The following ZNF782 variants were observed in gnomAD, a reference collection of about 807,000 sequenced individuals.
The protein encoded by ZNF782 is zinc finger protein 782.
A neutral mutation model predicts 13.0 loss-of-function variants in ZNF782; 12 were observed. That is an observed-to-expected ratio of 0.92 (90% confidence interval 0.59 to 1.50). The LOEUF is 1.50. ZNF782 is among the 40% of genes most tolerant of loss of function. The probability of loss-of-function intolerance (pLI) is 0.00; values close to 1 mark genes in which losing one functional copy is unlikely to be tolerated. For missense variants in ZNF782, 770 were observed against 822.9 expected (o/e 0.94, Z 0.79); for synonymous variants, 284 against 283.0 (o/e 1.00, Z -0.04).
At chr9:96,929,154 G>C in the ZNF782 span, 1 of 1,562,966 alleles carries the variant, frequency 6.4e-7, no homozygotes, top group Non-Finnish European at 8.8e-7. Context: ...AGGGAGCACT[G>C]GATGTCCCCA....
At chr9:96,896,917 C>T in the ZNF782 span, among the ~76,000 whole-genome samples, 9 of 152,242 alleles carry the variant, frequency 5.9e-5, no homozygotes, top group Admixed American at 5.9e-4. Flanking sequence ...GATAACTACT[C>T]TCCTTTTCAG....
chr9:96,855,066 G>A (rs1312273334), upstream of ZNF782, among the ~76,000 whole-genome samples: 1 of 152,202 alleles, frequency 6.6e-6, no homozygotes, highest in East Asian at 1.9e-4. Flanking sequence ...GCCCTGTCCT[G>A]GCGCCCCCAG....
At chr9:96,841,175 A>C (rs928991543) in intron 4 of ZNF782, among the ~76,000 whole-genome samples, 2 of 151,978 alleles carry the variant, frequency 1.3e-5, no homozygotes, top group Non-Finnish European at 2.9e-5. Context: ...TCATTGTTAG[A>C]AAAGCAAAAA....
intron 4 of ZNF782, among the ~76,000 whole-genome samples, chr9:96,842,783 A>G (rs527530657): frequency 2.0e-5 from 3 of 152,202 alleles, no homozygotes; most frequent in Middle Eastern, 3.4e-3. Context: ...CTGGTATAAA[A>G]ATGTGCAAAC....
the ZNF782 span, among the ~76,000 whole-genome samples, chr9:96,921,251 C>T: frequency 6.7e-6 from 1 of 149,180 alleles, no homozygotes; most frequent in Admixed American, 6.7e-5. Flanking sequence ...TTTATTCTGG[C>T]CGAGTGTGGT....
rs1177140701 is a variant in ZNF782 at position 96,819,019 on chromosome 9, T to C, written c.1004A>G (p.Asp335Gly). 6.2e-7 allele frequency: 1 copy of C among 1,614,240 alleles called. No homozygotes were observed. The highest frequency in any genetic ancestry group is 1.3e-5 in the African/African-American group (1 of 75,086). The change falls in exon 6 of 6, where the codon GAT becomes GGT. Residue 335 changes from aspartate (D) to glycine (G), a missense_variant. By Grantham distance (94) the Asp-to-Gly change is moderately conservative (BLOSUM62 -1). Coordinates refer to ENST00000481138, the MANE Select transcript of ZNF782 (RefSeq NM_001001662.3). ...ACATGGGTGATAATCAGAGTATTTATCTGTTGCATGAGTTCTCTGATGCAC... is the reference window on the plus strand; with the variant it reads ...ACATGGGTGATAATCAGAGTATTTACCTGTTGCATGAGTTCTCTGATGCAC... ...LPVHQRTHAT[D>G]KYSDYHPCTE...
rs1310026755 is a variant in ZNF782 at position 96,819,060 on chromosome 9, AC to A, written c.962del (p.Arg321LeufsTer41). 1 of 1,614,180 alleles carries A rather than the reference AC, an allele frequency of 6.2e-7. No individual in the cohort carries two copies. The highest frequency in any genetic ancestry group is 1.1e-5 in the South Asian group (1 of 91,088). On this transcript the variant is annotated frameshift_variant, in exon 6 of 6. Transcript: ENST00000481138. LOFTEE classifies it low-confidence loss of function (END_TRUNC). The part of the protein sequence containing the change: ...KPFEYGKSFN[R>X]NSTLPVHQRT... The stretch of plus-strand genomic sequence containing the variant: ...TCTGATGCACTGGGAGGGTTGAATT[AC>A]GGTTGAAACTTTTTCCATATTCAAA...
intron 3 of ZNF782, among the ~76,000 whole-genome samples, chr9:96,849,030 C>T (rs887637614): frequency 6.6e-6 from 1 of 152,112 alleles, no homozygotes; most frequent in African/African-American, 2.4e-5. Flanking sequence ...CAAATATGTA[C>T]AGTCAACAAC....
the ZNF782 span, among the ~76,000 whole-genome samples, chr9:96,920,437 T>G: frequency 6.7e-6 from 1 of 149,174 alleles, no homozygotes; most frequent in African/African-American, 2.4e-5. Context: ...CGGCTAATTT[T>G]TTGTATTTTT....
At chr9:96,885,246 C>T in the ZNF782 span, among the ~76,000 whole-genome samples, 2 of 151,316 alleles carry the variant, frequency 1.3e-5, no homozygotes, top group East Asian at 1.9e-4. Context: ...CAAGCAATTG[C>T]GATTTTTTTG....
At chr9:96,844,763 A>C in intron 4 of ZNF782, 127 bp downstream of exon 4, 2 of 1,272,162 alleles carry the variant, frequency 1.6e-6, no homozygotes, top group East Asian at 4.9e-5. Context: ...AATAAAAGTG[A>C]CTAATATAAA....
chr9:96,860,918 T>G (rs921011710), intron 2 of ZNF782, among the ~76,000 whole-genome samples: 49 of 152,246 alleles, frequency 3.2e-4, no homozygotes, highest in Non-Finnish European at 5.9e-5. Context: ...CCTCTATTTC[T>G]CATCTTATGC....
chr9:96,825,428 C>T (rs1011543359), intron 5 of ZNF782, among the ~76,000 whole-genome samples: 61 of 152,214 alleles, frequency 4.0e-4, no homozygotes, highest in Admixed American at 9.8e-4. Flanking sequence ...AAGACTTAAA[C>T]GTTAGACCTG....
At chr9:96,907,744 G>A in the ZNF782 span, among the ~76,000 whole-genome samples, 20 of 151,886 alleles carry the variant, frequency 1.3e-4, no homozygotes, top group South Asian at 4.2e-4. Flanking sequence ...GGGTTCAAGC[G>A]ATTCTCCTGT....
the ZNF782 span, among the ~76,000 whole-genome samples, chr9:96,926,784 CCTT>C: frequency 6.6e-6 from 1 of 152,286 alleles, no homozygotes; most frequent in East Asian, 1.9e-4. Flanking sequence ...TGCAACTCTG[CCTT>C]CTTGAGTCCA....
chr9:96,883,575 C>A, the ZNF782 span, among the ~76,000 whole-genome samples: 1 of 152,166 alleles, frequency 6.6e-6, no homozygotes, highest in Non-Finnish European at 1.5e-5. Context: ...GCCAAGTTGA[C>A]ATATTTTTGA....
chr9:96,901,869 CAAAAA>C, the ZNF782 span, among the ~76,000 whole-genome samples: 1 of 59,594 alleles, frequency 1.7e-5, no homozygotes, highest in Non-Finnish European at 4.2e-5. Flanking sequence ...AACTCTGTCT[CAAAAA>C]AAAAAAAAAA....
chr9:96,840,852 C>T (rs974643408), intron 4 of ZNF782, among the ~76,000 whole-genome samples: 2 of 151,732 alleles, frequency 1.3e-5, no homozygotes, highest in African/African-American at 2.4e-5. Context: ...CATTAAAAAG[C>T]TAGACAAAGA....
chr9:96,856,770 T>C (rs997868121), upstream of ZNF782, among the ~76,000 whole-genome samples: 1 of 152,224 alleles, frequency 6.6e-6, no homozygotes, highest in African/African-American at 2.4e-5. Context: ...CAGGGATACA[T>C]AGACTGGCAG....
Sources: gnomAD v4.1 joint callset for allele counts (sites outside exome capture counted in the v4.1 genomes callset) on GRCh38, gnomAD v4.1.1 for gene constraint, MANE v1.5 for transcripts, NCBI Gene and HGNC (gene_info 2026-07-23, HGNC 2026-07-21) for gene names.